PACS1: variants seen among roughly 807,000 people sequenced by gnomAD.
PACS1 encodes the protein phosphofurin acidic cluster sorting protein 1.
A neutral mutation model predicts 115.0 loss-of-function variants in PACS1; 24 were observed. That is an observed-to-expected ratio of 0.21 (90% CI 0.15 to 0.29). The LOEUF (loss-of-function observed/expected upper bound fraction) is 0.29, where lower values mean the gene tolerates loss of function less well. PACS1 is among the 10% of genes least tolerant of loss of function. PACS1 has a pLI of 1.00. For missense variants in PACS1, 838 were observed against 1,251.2 expected (o/e 0.67, Z 4.98); for synonymous variants, 453 against 504.5 (o/e 0.90, Z 1.37).
chr11:66,235,447 G>A lies in PACS1; in HGVS notation c.2207+44G>A. On this transcript the variant is annotated intron_variant, in intron 18 of 23. Transcript: ENST00000320580. The surrounding 1 kb of genome is among the most constrained non-coding windows in gnomAD (Gnocchi z 5.6). Reference sequence around the variant, plus strand: ...GGTTTCTTAAAAATAGGTTGGGTGGGTTAGAGGAATCTTGAGTCTTCCTTG... The same window carrying A: ...GGTTTCTTAAAAATAGGTTGGGTGGATTAGAGGAATCTTGAGTCTTCCTTG... 1 of 1,355,636 alleles carries A rather than the reference G, an allele frequency of 7.4e-7. No homozygotes were observed. Among genetic ancestry groups the A allele is most frequent in the Non-Finnish European group, 1.1e-6 (1 of 946,438 alleles). The allele number at this position is 1,355,636 out of a possible 1,614,324, so 84.0% of individuals were successfully genotyped here.
At chr11:66,142,669 T>G (rs1859022772) in intron 1 of PACS1, among the ~76,000 whole-genome samples, 3 of 151,030 alleles carry the variant, frequency 2.0e-5, no homozygotes, top group Admixed American at 2.0e-4. Context: ...CGTTGAAACC[T>G]GATAGTTAGA....
chr11:66,186,316 A>C (rs1854371849), intron 1 of PACS1, among the ~76,000 whole-genome samples: 1 of 151,154 alleles, frequency 6.6e-6, no homozygotes, highest in Non-Finnish European at 1.5e-5. Context: ...TGGTTTACAG[A>C]GGCCTGCATG....
At chr11:66,197,477 A>G (rs1854676343) in intron 2 of PACS1, among the ~76,000 whole-genome samples, 1 of 152,196 alleles carries the variant, frequency 6.6e-6, no homozygotes, top group African/African-American at 2.4e-5. Flanking sequence ...TTAGAGAGTT[A>G]ATGGTGTAGT....
At chr11:66,108,812 A>T (rs955379180) in intron 1 of PACS1, among the ~76,000 whole-genome samples, 4 of 152,048 alleles carry the variant, frequency 2.6e-5, no homozygotes, top group Admixed American at 6.6e-5. Flanking sequence ...AAAGAAAGAA[A>T]GAATGAATGA....
At chr11:66,207,580 T>A (rs937308022) in intron 2 of PACS1, among the ~76,000 whole-genome samples, 11 of 152,224 alleles carry the variant, frequency 7.2e-5, no homozygotes, top group Non-Finnish European at 1.3e-4. Context: ...TTGCTTTTTA[T>A]AGTTTATTTG....
rs1487475083 is a variant in PACS1, at chr11:66,241,610, C to T, written c.2613C>T (p.Gly871=). Residue 871 remains glycine, a synonymous_variant, in exon 22 of 24, where the codon GGC becomes GGT. Coordinates refer to ENST00000320580, the MANE Select transcript of PACS1 (RefSeq NM_018026.4). Reference sequence around the variant, plus strand: ...ATAGTGGGGAGGCCCAGCTTTCTGGCACCATGGCCATGACTGTGGTCACCA... The same window carrying T: ...ATAGTGGGGAGGCCCAGCTTTCTGGTACCATGGCCATGACTGTGGTCACCA... The part of the protein sequence containing the change: ...LPHSGEAQLS[G]TMAMTVVTKE... 1 of 1,614,054 alleles carries T rather than the reference C, an allele frequency of 6.2e-7. No homozygotes were observed. The highest frequency in any genetic ancestry group is 8.5e-7 in the Non-Finnish European group (1 of 1,180,002).
At chr11:66,172,038 C>T (rs1238364452) in intron 1 of PACS1, among the ~76,000 whole-genome samples, 2 of 152,156 alleles carry the variant, frequency 1.3e-5, no homozygotes, top group East Asian at 3.9e-4. Flanking sequence ...TGCTTTAATT[C>T]AGTCAGTTCC....
chr11:66,101,314 G>A lies in PACS1; in HGVS notation c.356+30472G>A, dbSNP rs1170780711. Reference sequence around the variant, plus strand: ...CTAACTCATGTATGCGTCCGTTCATGCTTTTGTTCATTCTTGTGTGATACA... The same window carrying A: ...CTAACTCATGTATGCGTCCGTTCATACTTTTGTTCATTCTTGTGTGATACA... On this transcript the variant is annotated intron_variant, in intron 1 of 23. Coordinates refer to ENST00000320580, the MANE Select transcript of PACS1 (RefSeq NM_018026.4). 2.0e-5 allele frequency among the ~76,000 whole-genome samples: 3 copies of A among 152,016 alleles called. No homozygotes were observed. In the East Asian group the frequency reaches 5.8e-4, roughly 29 times the overall value.
chr11:66,123,860 A>G (rs1055749728), intron 1 of PACS1, among the ~76,000 whole-genome samples: 1 of 151,582 alleles, frequency 6.6e-6, no homozygotes, highest in Non-Finnish European at 1.5e-5. Context: ...TTTTTTTAAG[A>G]CAATGCTATT....
At chr11:66,144,532 A>G (rs1014385793) in intron 1 of PACS1, among the ~76,000 whole-genome samples, 11 of 152,236 alleles carry the variant, frequency 7.2e-5, no homozygotes, top group Non-Finnish European at 1.6e-4. Context: ...TTATTGTTAG[A>G]TCAATATAGA....
At chr11:66,219,901 G>T in intron 8 of PACS1, 96 bp downstream of exon 8, 1 of 903,480 alleles carries the variant, frequency 1.1e-6, no homozygotes, top group Admixed American at 1.7e-5. Context: ...CTGAGAGTCA[G>T]GATTCTAGGA....
intron 1 of PACS1, among the ~76,000 whole-genome samples, chr11:66,163,768 A>C (rs1304534349): frequency 6.6e-6 from 1 of 152,172 alleles, no homozygotes; most frequent in Non-Finnish European, 1.5e-5. Flanking sequence ...GTTTGTTTCT[A>C]AAGCAAAATA....
chr11:66,231,239 C>G (rs2134736364), intron 13 of PACS1, among the ~76,000 whole-genome samples: 1 of 152,378 alleles, frequency 6.6e-6, no homozygotes, highest in South Asian at 2.1e-4. Context: ...GTGTCTCTGC[C>G]TCCATCAGAC....
chr11:66,105,347 G>T (rs1184572639), intron 1 of PACS1, among the ~76,000 whole-genome samples: 1 of 152,038 alleles, frequency 6.6e-6, no homozygotes, highest in Admixed American at 6.6e-5. Flanking sequence ...CGCTTGAACC[G>T]GGGAGGCAGA....
At chr11:66,188,662 AAC>A (rs1283765488) in intron 1 of PACS1, among the ~76,000 whole-genome samples, 2 of 152,206 alleles carry the variant, frequency 1.3e-5, no homozygotes, top group Non-Finnish European at 2.9e-5. Flanking sequence ...CCACCAGTGA[AAC>A]ACAGGGTAGC....
intron 1 of PACS1, among the ~76,000 whole-genome samples, chr11:66,151,451 T>C (rs1406110696): frequency 6.6e-6 from 1 of 152,058 alleles, no homozygotes; most frequent in African/African-American, 2.4e-5. Flanking sequence ...ATGATCAGCC[T>C]AAATCCCTGG....
chr11:66,196,738 C>A (rs1016226792), intron 2 of PACS1, among the ~76,000 whole-genome samples: 1 of 152,108 alleles, frequency 6.6e-6, no homozygotes, highest in Non-Finnish European at 1.5e-5. Flanking sequence ...GCTGGGACTA[C>A]AGGCACCCAC....
At chr11:66,132,416 G>C (rs1858724916) in intron 1 of PACS1, among the ~76,000 whole-genome samples, 1 of 152,074 alleles carries the variant, frequency 6.6e-6, no homozygotes, top group African/African-American at 2.4e-5. Context: ...TTATAGCAGT[G>C]TGAAAACGGA....
intron 1 of PACS1, among the ~76,000 whole-genome samples, chr11:66,079,903 A>G (rs111754987): frequency 2.4e-4 from 37 of 152,104 alleles, no homozygotes; most frequent in African/African-American, 8.7e-4. Flanking sequence ...GGGCTTTTGC[A>G]CTTGCTGTTC....
Sources: gnomAD v4.1 joint callset for allele counts (sites outside exome capture counted in the v4.1 genomes callset) on GRCh38, gnomAD v4.1.1 for gene constraint, Gnocchi (gnomAD v3.1) non-coding constraint, MANE v1.5 for transcripts, NCBI Gene and HGNC (gene_info 2026-07-23, HGNC 2026-07-21) for gene names.